The following ENTREP1 variants were observed in gnomAD, a reference collection of about 807,000 sequenced individuals.
ENTREP1 encodes the protein Friedreich ataxia region gene X123.
At chr9:69,335,371 G>A in the ENTREP1 span, among the ~76,000 whole-genome samples, 1 of 152,196 alleles carries the variant, frequency 6.6e-6, no homozygotes, top group Non-Finnish European at 1.5e-5. Flanking sequence ...CTCAGGGCAG[G>A]TGACTGCTAA....
At chr9:69,351,433 T>C in the ENTREP1 span, among the ~76,000 whole-genome samples, 1 of 147,764 alleles carries the variant, frequency 6.8e-6, no homozygotes, top group African/African-American at 2.5e-5. Flanking sequence ...GATTATTATT[T>C]TGAGACCAAG....
At chr9:69,368,704 T>C in the ENTREP1 span, among the ~76,000 whole-genome samples, 1 of 152,200 alleles carries the variant, frequency 6.6e-6, no homozygotes, top group African/African-American at 2.4e-5. Flanking sequence ...TTTTTTGGAA[T>C]AGCTTGAGGA....
chr9:69,362,802 A>G, the ENTREP1 span, among the ~76,000 whole-genome samples: 1 of 152,150 alleles, frequency 6.6e-6, no homozygotes, highest in Non-Finnish European at 1.5e-5. Context: ...CAAAAAAGCT[A>G]GACTGTCCTA....
chr9:69,384,112 CT>C, the ENTREP1 span: 1 of 955,288 alleles, frequency 1.0e-6, no homozygotes, highest in Non-Finnish European at 1.6e-6. Context: ...AATCCCAGCA[CT>C]TTGGGAGGCC....
chr9:69,362,391 A>G, the ENTREP1 span, among the ~76,000 whole-genome samples: 1 of 152,208 alleles, frequency 6.6e-6, no homozygotes, highest in African/African-American at 2.4e-5. Context: ...TCATTGGGTC[A>G]GTTAATTGAG....
chr9:69,360,200 C>T, the ENTREP1 span, among the ~76,000 whole-genome samples: 1 of 152,146 alleles, frequency 6.6e-6, no homozygotes, highest in African/African-American at 2.4e-5. Context: ...TATATGTGCA[C>T]ATGGTTTAAA....
chr9:69,367,993 A>G, the ENTREP1 span, among the ~76,000 whole-genome samples: 1 of 150,074 alleles, frequency 6.7e-6, no homozygotes, highest in Non-Finnish European at 1.5e-5. Context: ...TTCTTTCTCA[A>G]TTCATTTGTT....
At chr9:69,374,364 A>C in the ENTREP1 span, among the ~76,000 whole-genome samples, 1 of 152,122 alleles carries the variant, frequency 6.6e-6, no homozygotes, top group Non-Finnish European at 1.5e-5. Flanking sequence ...CTCTTGAGTG[A>C]ATACCTAGGC....
the ENTREP1 span, among the ~76,000 whole-genome samples, chr9:69,339,209 G>A: frequency 6.6e-6 from 1 of 152,020 alleles, no homozygotes. Context: ...TTGCAGAGAT[G>A]GGAGTCTCGC....
chr9:69,390,998 G>C, the ENTREP1 span, among the ~76,000 whole-genome samples: 1 of 147,114 alleles, frequency 6.8e-6, no homozygotes, highest in African/African-American at 2.5e-5. Context: ...TACTCAGGCT[G>C]GTCTCAAACT....
chr9:69,388,588 G>A, the ENTREP1 span: 1 of 659,718 alleles, frequency 1.5e-6, no homozygotes, highest in Non-Finnish European at 2.5e-6. Flanking sequence ...AGAGTTCTGG[G>A]GAGGGAGACA....
chr9:69,325,305 C>G, the ENTREP1 span: 51 of 1,181,568 alleles, frequency 4.3e-5, no homozygotes, highest in Middle Eastern at 3.4e-4. Context: ...CTTCCCCGTC[C>G]GTCCATGTCC....
the ENTREP1 span, among the ~76,000 whole-genome samples, chr9:69,351,233 T>G: frequency 6.6e-6 from 1 of 152,238 alleles, no homozygotes; most frequent in African/African-American, 2.4e-5. Flanking sequence ...TTCTGCCTAT[T>G]TTCAAGTTTC....
At chr9:69,337,627 A>G in the ENTREP1 span, among the ~76,000 whole-genome samples, 2 of 152,242 alleles carry the variant, frequency 1.3e-5, no homozygotes, top group Admixed American at 6.5e-5. Context: ...GCGACTGTAA[A>G]CTTATCATTC....
the ENTREP1 span, chr9:69,388,330 G>A: frequency 6.2e-7 from 1 of 1,614,218 alleles, no homozygotes; most frequent in Admixed American, 1.7e-5. Flanking sequence ...GGTTCCTGGA[G>A]CAGTCCTCTT....
At chr9:69,357,544 C>A in the ENTREP1 span, among the ~76,000 whole-genome samples, 1 of 152,098 alleles carries the variant, frequency 6.6e-6, no homozygotes, top group South Asian at 2.1e-4. Context: ...GAGAGCTGGT[C>A]TGGGTGATGG....
the ENTREP1 span, among the ~76,000 whole-genome samples, chr9:69,334,640 G>A: frequency 3.3e-5 from 5 of 152,164 alleles, no homozygotes; most frequent in African/African-American, 1.2e-4. Flanking sequence ...TGCTCAAATG[G>A]CATCAGCACA....
chr9:69,370,710 A>T, the ENTREP1 span, among the ~76,000 whole-genome samples: 1 of 152,224 alleles, frequency 6.6e-6, no homozygotes, highest in Admixed American at 6.5e-5. Context: ...TAGAGTTCAT[A>T]TGTGAACTTG....
At chr9:69,384,709 A>G in the ENTREP1 span, among the ~76,000 whole-genome samples, 2 of 152,222 alleles carry the variant, frequency 1.3e-5, no homozygotes, top group South Asian at 2.1e-4. Flanking sequence ...TAAGTGGCCC[A>G]GAGGATTGTC....
Sources: allele counts gnomAD v4.1 joint callset (sites outside exome capture counted in the v4.1 genomes callset), GRCh38; gene constraint gnomAD v4.1.1; transcripts MANE v1.5; gene names NCBI Gene and HGNC (gene_info 2026-07-23, HGNC 2026-07-21).